Variants in SPP2 observed in about 807,000 individuals in gnomAD.
SPP2 encodes the protein secreted phosphoprotein 24.
SPP2 carries 34 observed loss-of-function variants against 28.8 expected under a neutral mutation model. The ratio of observed to expected loss-of-function variants is 1.18; its 90% CI spans 0.90 to 1.57. The LOEUF is 1.57. Ranked by LOEUF, SPP2 falls within the 40% of genes most tolerant of loss-of-function variation. SPP2 has a pLI of 0.00. For missense variants in SPP2, 269 were observed against 263.9 expected, an observed-to-expected ratio of 1.02 and a Z score of -0.13; for synonymous variants, 96 against 89.4, an observed-to-expected ratio of 1.07 and a Z score of -0.42.
chr2:234,075,937 C>T lies in SPP2; in HGVS notation c.*11-908C>T, dbSNP rs77331628. Among the ~76,000 whole-genome samples, 1,119 of 152,276 alleles carry T rather than the reference C, an allele frequency of 7.3e-3. 12 individuals are homozygous for T. Among genetic ancestry groups the T allele is most frequent in the African/African-American group, 0.025 (1,032 of 41,552 alleles). ...CTCCCCACCTCACCCAGTTGGTCAC[C>T]GAGGTCTGCTAATCCTTGCTCCGAA... is the stretch of plus-strand genomic sequence containing the variant. On this transcript the variant is annotated intron_variant, in intron 7 of 7. Transcript: ENST00000168148.
chr2:234,070,203 A>G (rs577053331), intron 7 of SPP2, among the ~76,000 whole-genome samples, 180 bp downstream of exon 7: 21 of 152,166 alleles, frequency 1.4e-4, no homozygotes, highest in Non-Finnish European at 2.8e-4. Context: ...TGCACCCTCA[A>G]TCTTTTTCCC....
intron 4 of SPP2, among the ~76,000 whole-genome samples, chr2:234,060,772 C>G (rs535324497): frequency 1.5e-4 from 23 of 151,968 alleles, no homozygotes; most frequent in Non-Finnish European, 2.9e-4. Flanking sequence ...TGCACACACG[C>G]ACACATACAC....
chr2:234,075,394 A>G (rs1003938640), intron 7 of SPP2, among the ~76,000 whole-genome samples: 1 of 152,088 alleles, frequency 6.6e-6, no homozygotes, highest in African/African-American at 2.4e-5. Context: ...GGCCTCAGGC[A>G]GTCTCTCCTC....
rs150700652 is a variant in SPP2, at chr2:234,060,422, C to T, written c.387C>T (p.Gly129=). Reference sequence around the variant, plus strand: ...AGGTATCTGCCCAGCAGGTGCAGGGCGTGCATGCTCGCTGCAGCTGGTCCT... The same window carrying T: ...AGGTATCTGCCCAGCAGGTGCAGGGTGTGCATGCTCGCTGCAGCTGGTCCT... ...TVKVSAQQVQ[G]VHARCSWSSS... is the part of the protein sequence containing the mutation. The change falls in exon 4 of 8, where the codon GGC becomes GGT. Residue 129 remains glycine, a synonymous_variant. Transcript: ENST00000168148. 2.5e-3 allele frequency: 4,092 copies of T among 1,613,646 alleles called. 9 individuals carry two copies. Among genetic ancestry groups the T allele is most frequent in the Non-Finnish European group, 3.2e-3 (3,827 of 1,179,876 alleles).
At chr2:234,066,236 C>G (rs1384249116) in intron 4 of SPP2, among the ~76,000 whole-genome samples, 1 of 152,172 alleles carries the variant, frequency 6.6e-6, no homozygotes, top group Non-Finnish European at 1.5e-5. Context: ...GTGTGCAAGT[C>G]TGTGTAACAG....
chr2:234,058,595 G>C (rs1233834798), intron 2 of SPP2, among the ~76,000 whole-genome samples: 1 of 152,208 alleles, frequency 6.6e-6, no homozygotes, highest in Non-Finnish European at 1.5e-5. Flanking sequence ...TGGCCTTGGA[G>C]TTAGAACACC....
At position 234,070,532 on chromosome 2, in the gene SPP2, G is replaced by A. The variant is rs139376058; in HGVS notation, c.*10+509G>A. 7.4e-3 allele frequency among the ~76,000 whole-genome samples: 1,132 copies of A among 152,232 alleles called. 12 individuals are homozygous for A. Among genetic ancestry groups the A allele is most frequent in the African/African-American group, 0.026 (1,084 of 41,534 alleles). ...GCTGGAATGCAATGGCATGATCTTGGCTCACTGCAACCTCTGCCTCCTGGG... is the reference window on the plus strand; with the variant it reads ...GCTGGAATGCAATGGCATGATCTTGACTCACTGCAACCTCTGCCTCCTGGG... On this transcript the variant is annotated intron_variant, in intron 7 of 7. Coordinates refer to ENST00000168148, the MANE Select transcript of SPP2 (RefSeq NM_006944.3).
intron 4 of SPP2, 32 bp from the exon 5 acceptor site, chr2:234,066,501 G>C (rs778472113): frequency 6.3e-7 from 1 of 1,587,660 alleles, no homozygotes; most frequent in Non-Finnish European, 8.6e-7. Flanking sequence ...TCTTTCATGT[G>C]CTGACACATC....
chr2:234,063,333 T>G (rs1199401102), intron 4 of SPP2, among the ~76,000 whole-genome samples: 1 of 152,016 alleles, frequency 6.6e-6, no homozygotes, highest in African/African-American at 2.4e-5. Flanking sequence ...GTAGAAGAAT[T>G]TCCAGAGTAA....
chr2:234,070,660 C>T (rs1690747485), intron 7 of SPP2, among the ~76,000 whole-genome samples: 1 of 152,110 alleles, frequency 6.6e-6, no homozygotes, highest in Non-Finnish European at 1.5e-5. Flanking sequence ...TAGCGTTTTA[C>T]CATGTTAGCC....
intron 4 of SPP2, among the ~76,000 whole-genome samples, chr2:234,062,542 G>T (rs1693740999): frequency 6.6e-6 from 1 of 151,626 alleles, no homozygotes; most frequent in African/African-American, 2.4e-5. Flanking sequence ...AGACAAAGGG[G>T]CTATGAAAGA....
In SPP2 at chr2:234,071,227, C is replaced by G. The variant is rs562699117; in HGVS notation, c.*10+1204C>G. 1.2e-4 allele frequency among the ~76,000 whole-genome samples: 19 copies of G among 152,312 alleles called. 1 individual carries two copies. Among genetic ancestry groups the G allele is most frequent in the African/African-American group, 3.6e-4 (15 of 41,574 alleles). On this transcript the variant is annotated intron_variant, in intron 7 of 7. Coordinates refer to ENST00000168148, the MANE Select transcript of SPP2 (RefSeq NM_006944.3). ...GTATTCTTGCATCAGGTTCTGATCC[C>G]ATACTGTCTACCTTGCTTGCTGTCC...
At chr2:234,075,850 C>T (rs1173704168) in intron 7 of SPP2, among the ~76,000 whole-genome samples, 1 of 152,172 alleles carries the variant, frequency 6.6e-6, no homozygotes, top group Non-Finnish European at 1.5e-5. Context: ...CTCACTCTTC[C>T]CCCTGTCTCC....
chr2:234,058,031 C>T (rs1693642484), intron 2 of SPP2, among the ~76,000 whole-genome samples: 1 of 152,172 alleles, frequency 6.6e-6, no homozygotes, highest in South Asian at 2.1e-4. Flanking sequence ...AGCCTTGGGT[C>T]ACAACATTTT....
chr2:234,066,502 C>T (rs1454312154), intron 4 of SPP2, 31 bp from the exon 5 acceptor site: 3 of 1,590,600 alleles, frequency 1.9e-6, no homozygotes, highest in Non-Finnish European at 2.6e-6. Context: ...CTTTCATGTG[C>T]TGACACATCC....
At chr2:234,069,597 G>T (rs559386150) in intron 6 of SPP2, among the ~76,000 whole-genome samples, 40 of 152,318 alleles carry the variant, frequency 2.6e-4, no homozygotes, top group African/African-American at 9.4e-4. Flanking sequence ...ATAAATGTGT[G>T]TGACAAACAC....
At chr2:234,074,998 TGC>T (rs1690868260) in intron 7 of SPP2, among the ~76,000 whole-genome samples, 1 of 17,976 alleles carries the variant, frequency 5.6e-5, no homozygotes, top group Non-Finnish European at 1.0e-4. Context: ...AGCACAAAAA[TGC>T]AAAAAAAAAA....
intron 4 of SPP2, among the ~76,000 whole-genome samples, chr2:234,061,398 GC>G (rs1466775072): frequency 1.3e-5 from 2 of 151,928 alleles, no homozygotes; most frequent in African/African-American, 4.8e-5. Flanking sequence ...ATAAGAAGAG[GC>G]CATCTCTTCA....
At chr2:234,071,934 G>T (rs749540226) in intron 7 of SPP2, among the ~76,000 whole-genome samples, 9 of 152,140 alleles carry the variant, frequency 5.9e-5, no homozygotes, top group Non-Finnish European at 1.3e-4. Flanking sequence ...GCCTCTGTAG[G>T]TTCCTCATCA....
Sources: allele counts gnomAD v4.1 joint callset (sites outside exome capture counted in the v4.1 genomes callset), GRCh38; gene constraint gnomAD v4.1.1; transcripts MANE v1.5; gene names NCBI Gene and HGNC (gene_info 2026-07-23, HGNC 2026-07-21).